THSD7A: variants seen among roughly 807,000 people sequenced by gnomAD.
THSD7A encodes thrombospondin type-1 domain-containing protein 7A.
Under a neutral mutation model 231.3 loss-of-function variants are expected in THSD7A, and 96 were observed. The ratio of observed to expected loss-of-function variants is 0.41; its 90% CI spans 0.35 to 0.49. The LOEUF is 0.49. THSD7A is among the 20% of genes least tolerant of loss of function. THSD7A has a pLI of 0.05. For synonymous variants in THSD7A, 940 were observed against 743.3 expected (o/e 1.26, Z -4.30); for missense variants, 2,290 against 2,070.2 (o/e 1.11, Z -2.06).
chr7:11,394,681 T>C (rs978775981), intron 23 of THSD7A, among the ~76,000 whole-genome samples: 1 of 152,212 alleles, frequency 6.6e-6, no homozygotes, highest in African/African-American at 2.4e-5. Flanking sequence ...TTGTGTTTGC[T>C]CCAGGCTTTT....
chr7:11,575,788 C>T (rs148158154), intron 4 of THSD7A, among the ~76,000 whole-genome samples: 2 of 152,336 alleles, frequency 1.3e-5, no homozygotes, highest in East Asian at 3.9e-4. Context: ...TACTGAATTA[C>T]ACTTTGATAT....
chr7:11,716,639 T>A (rs186463320), intron 1 of THSD7A, among the ~76,000 whole-genome samples: 10 of 151,708 alleles, frequency 6.6e-5, no homozygotes, highest in East Asian at 3.9e-4. Flanking sequence ...GGGGTTTTTT[T>A]AAATCTTTAT....
chr7:11,504,507 C>A (rs1303753954), intron 6 of THSD7A, among the ~76,000 whole-genome samples: 20 of 152,066 alleles, frequency 1.3e-4, no homozygotes, highest in Admixed American at 1.3e-3. Flanking sequence ...AAAAGAATAA[C>A]TGTCCGCTAT....
intron 4 of THSD7A, among the ~76,000 whole-genome samples, chr7:11,543,677 A>G (rs1436850354): frequency 1.3e-5 from 2 of 152,222 alleles, no homozygotes; most frequent in African/African-American, 4.8e-5. Context: ...ATTATTTCCA[A>G]AATGTCTAAA....
chr7:11,757,928 A>G (rs1233771186), intron 1 of THSD7A, among the ~76,000 whole-genome samples: 4 of 150,514 alleles, frequency 2.7e-5, no homozygotes, highest in African/African-American at 4.9e-5. Context: ...TTTAGTAATA[A>G]TAATAATAAT....
At chr7:11,631,161 C>A (rs1184641653) in intron 2 of THSD7A, among the ~76,000 whole-genome samples, 1 of 152,186 alleles carries the variant, frequency 6.6e-6, no homozygotes, top group African/African-American at 2.4e-5. Context: ...CTTGGATAAA[C>A]CTTTATGGAT....
chr7:11,770,653 A>G (rs1203419750), intron 1 of THSD7A, among the ~76,000 whole-genome samples: 1 of 152,196 alleles, frequency 6.6e-6, no homozygotes, highest in Non-Finnish European at 1.5e-5. Context: ...AATCTTCGGT[A>G]GGATTCACAA....
At chr7:11,466,628 C>T (rs1344997217) in intron 9 of THSD7A, among the ~76,000 whole-genome samples, 1 of 151,988 alleles carries the variant, frequency 6.6e-6, no homozygotes, top group Non-Finnish European at 1.5e-5. Context: ...TTCTGAAAAC[C>T]TTTTGTTCTA....
At chr7:11,562,309 G>T (rs1790108736) in intron 4 of THSD7A, among the ~76,000 whole-genome samples, 1 of 151,984 alleles carries the variant, frequency 6.6e-6, no homozygotes, top group Admixed American at 6.5e-5. Flanking sequence ...TTGAATCAGA[G>T]ATCTCACACA....
intron 11 of THSD7A, among the ~76,000 whole-genome samples, chr7:11,459,355 G>A (rs1409823787): frequency 6.6e-6 from 1 of 151,966 alleles, no homozygotes; most frequent in East Asian, 1.9e-4. Context: ...CAAAATATAT[G>A]CAAATCAATG....
At chr7:11,650,742 G>A (rs1202980919) in intron 1 of THSD7A, among the ~76,000 whole-genome samples, 1 of 152,054 alleles carries the variant, frequency 6.6e-6, no homozygotes, top group Middle Eastern at 3.2e-3. Context: ...AGGCAGAGGT[G>A]GAGCCAAGAG....
intron 6 of THSD7A, among the ~76,000 whole-genome samples, chr7:11,519,684 C>G (rs542166436): frequency 3.0e-4 from 45 of 152,300 alleles, no homozygotes; most frequent in African/African-American, 1.0e-3. Flanking sequence ...TAGGATGTCT[C>G]TTTGGAAAAA....
At position 11,603,909 on chromosome 7, in the gene THSD7A, G is replaced by A. The variant is rs1780643844; in HGVS notation, c.1023-10407C>T. Among the ~76,000 whole-genome samples the A allele has an allele frequency of 1.3e-5, 2 of 150,760 alleles. 1 individual carries two copies. The highest frequency in any genetic ancestry group is 4.3e-4 in the South Asian group (2 of 4,688). On this transcript the variant is annotated intron_variant, in intron 2 of 27. Transcript: ENST00000423059. ...GGGGGGAGGGGGGAAGGATAGCATT[G>A]GGAGATATACCTAATGCTAGATGAC...
At chr7:11,409,430 A>G (rs1274276412) in intron 19 of THSD7A, among the ~76,000 whole-genome samples, 1 of 152,218 alleles carries the variant, frequency 6.6e-6, no homozygotes, top group Non-Finnish European at 1.5e-5. Flanking sequence ...CAAATATTGT[A>G]GTATTTGCAT....
intron 1 of THSD7A, among the ~76,000 whole-genome samples, chr7:11,730,942 A>G (rs1474946150): frequency 1.3e-5 from 2 of 151,430 alleles, no homozygotes; most frequent in Non-Finnish European, 3.0e-5. Flanking sequence ...TCAGTTAGCT[A>G]CTCTACTGCA....
intron 2 of THSD7A, among the ~76,000 whole-genome samples, chr7:11,608,224 G>A (rs1315650436): frequency 6.6e-6 from 1 of 152,026 alleles, no homozygotes; most frequent in Non-Finnish European, 1.5e-5. Flanking sequence ...TTCCTAATTT[G>A]TTTCATCAAA....
chr7:11,646,886 G>C (rs1207265641), intron 1 of THSD7A, among the ~76,000 whole-genome samples: 1 of 152,006 alleles, frequency 6.6e-6, no homozygotes, highest in Admixed American at 6.6e-5. Context: ...CAGGGCTAAG[G>C]CACAAAAGAA....
At chr7:11,382,727 G>A in intron 23 of THSD7A, 111 bp from the exon 24 acceptor site, 1 of 841,822 alleles carries the variant, frequency 1.2e-6, no homozygotes, top group Non-Finnish European at 1.9e-6. Flanking sequence ...CATCTCTGAT[G>A]ATTCAAATGT....
chr7:11,790,966 T>G (rs1783934460), intron 1 of THSD7A, among the ~76,000 whole-genome samples: 2 of 151,996 alleles, frequency 1.3e-5, no homozygotes, highest in Non-Finnish European at 2.9e-5. Flanking sequence ...GAGATCCCTC[T>G]ATATTCTACT....
Sources: gnomAD v4.1 joint callset for allele counts (sites outside exome capture counted in the v4.1 genomes callset) on GRCh38, gnomAD v4.1.1 for gene constraint, MANE v1.5 for transcripts, NCBI Gene and HGNC (gene_info 2026-07-23, HGNC 2026-07-21) for gene names.